EPHB2: variants seen among roughly 807,000 people sequenced by gnomAD.
EPHB2 encodes ephrin type-B receptor 2.
Under a neutral mutation model 96.4 loss-of-function variants are expected in EPHB2, and 18 were observed. That is an observed-to-expected ratio of 0.19 (90% confidence interval 0.13 to 0.28). The LOEUF (loss-of-function observed/expected upper bound fraction) is 0.28, where lower values mean the gene tolerates loss of function less well. EPHB2 is among the 10% of genes least tolerant of loss of function. The pLI, the probability that EPHB2 is intolerant of heterozygous loss-of-function variation, is 1.00. For missense variants in EPHB2, 989 were observed against 1,355.4 expected (o/e 0.73, Z 4.25); for synonymous variants, 506 against 534.1 (o/e 0.95, Z 0.72).
chr1:22,788,304 C>T (rs1001088522), intron 3 of EPHB2, among the ~76,000 whole-genome samples: 2 of 152,202 alleles, frequency 1.3e-5, no homozygotes, highest in African/African-American at 2.4e-5. Flanking sequence ...GGCTCCCTTC[C>T]ACTCTCATCT....
Position 22,875,510 on chromosome 1 carries a change from C to T in EPHB2, c.1304-6849C>T, listed in dbSNP as rs1188462536. 6.6e-6 allele frequency among the ~76,000 whole-genome samples: 1 copy of T among 152,102 alleles called. No homozygotes were observed. The highest frequency in any genetic ancestry group is 6.5e-5 in the Admixed American group (1 of 15,274). On this transcript the variant is annotated intron_variant, in intron 5 of 15. Coordinates refer to ENST00000374630, the MANE Select transcript of EPHB2 (RefSeq NM_017449.5). This position sits in a 1 kb window ranked among gnomAD's most constrained non-coding sequence, Gnocchi z 4.2. ...CTGCTTGGGAAGTACTGCCTGGGGC[C>T]TTTGTTTTAGTGGCCAGCCCACAAG...
chr1:22,883,225 A>G (rs1397685533), intron 6 of EPHB2, among the ~76,000 whole-genome samples: 1 of 152,202 alleles, frequency 6.6e-6, no homozygotes, highest in Non-Finnish European at 1.5e-5. Flanking sequence ...CAGCACCCAG[A>G]ATGGGACCTG....
intron 3 of EPHB2, among the ~76,000 whole-genome samples, chr1:22,844,656 T>C (rs1477183245): frequency 2.0e-5 from 3 of 152,120 alleles, no homozygotes; most frequent in African/African-American, 7.2e-5. Context: ...AGCTAGGAAG[T>C]GGTGATGCCG....
intron 5 of EPHB2, among the ~76,000 whole-genome samples, chr1:22,878,652 G>A (rs988132823): frequency 1.8e-4 from 27 of 152,234 alleles, no homozygotes; most frequent in African/African-American, 5.8e-4. Context: ...TACTTGATAG[G>A]TGTGAAAACT....
intron 3 of EPHB2, among the ~76,000 whole-genome samples, chr1:22,819,984 G>T (rs1645131137): frequency 6.6e-6 from 1 of 151,934 alleles, no homozygotes; most frequent in Non-Finnish European, 1.5e-5. Flanking sequence ...CTGAAGACAG[G>T]CACTTCCTGA....
intron 9 of EPHB2, among the ~76,000 whole-genome samples, chr1:22,898,954 G>A (rs1411232924): frequency 6.6e-6 from 1 of 151,944 alleles, no homozygotes; most frequent in Admixed American, 6.5e-5. Flanking sequence ...GCTCACGCCT[G>A]TAATCCCAAC....
rs994166420 is a variant in EPHB2 at position 22,918,382 on chromosome 1, A to G, written c.*4812A>G. 6.6e-6 allele frequency: 1 copy of G among 151,850 alleles called. No homozygotes were observed. Among genetic ancestry groups the G allele is most frequent in the African/African-American group, 2.4e-5 (1 of 41,410 alleles). The allele number at this position is 151,850 out of a possible 1,614,324, so 9.4% of individuals were successfully genotyped here. On this transcript the variant is annotated 3_prime_UTR_variant, in exon 16 of 16. Coordinates refer to ENST00000374630, the MANE Select transcript of EPHB2 (RefSeq NM_017449.5). The surrounding 1 kb of genome is among the most constrained non-coding windows in gnomAD (Gnocchi z 4.2). Reference sequence around the variant, plus strand: ...GGTGGGGTGGGGAGAAAGCTGCCAGACACCAAAGGAGCTGAGCCTGGCGGG... The same window carrying G: ...GGTGGGGTGGGGAGAAAGCTGCCAGGCACCAAAGGAGCTGAGCCTGGCGGG...
At chr1:22,884,867 A>G (rs1639172556) in intron 6 of EPHB2, among the ~76,000 whole-genome samples, 1 of 152,074 alleles carries the variant, frequency 6.6e-6, no homozygotes, top group Admixed American at 6.5e-5. Flanking sequence ...CATAGCATTT[A>G]TCACAATTAT....
At chr1:22,767,823 G>A (rs1644328337) in intron 1 of EPHB2, among the ~76,000 whole-genome samples, 1 of 152,206 alleles carries the variant, frequency 6.6e-6, no homozygotes, top group Non-Finnish European at 1.5e-5. Context: ...TGCCTCTCAG[G>A]GTACCAGTGG....
At chr1:22,739,908 G>A (rs1181040807) in intron 1 of EPHB2, among the ~76,000 whole-genome samples, 3 of 152,212 alleles carry the variant, frequency 2.0e-5, no homozygotes, top group Non-Finnish European at 4.4e-5. Context: ...GGGCTGCCCG[G>A]GGTTTGCGGT....
At chr1:22,774,726 G>A (rs573566217) in intron 1 of EPHB2, 1 of 561,496 alleles carries the variant, frequency 1.8e-6, no homozygotes, top group Middle Eastern at 9.0e-4. Context: ...GCTCTGAAGG[G>A]CGATCACACA....
chr1:22,859,387 A>G (rs1283224905), intron 3 of EPHB2, among the ~76,000 whole-genome samples: 2 of 151,696 alleles, frequency 1.3e-5, no homozygotes, highest in Non-Finnish European at 2.9e-5. Flanking sequence ...CCTGGGGCCC[A>G]GGGGCCCTGC....
chr1:22,735,952 T>C (rs1016080772), intron 1 of EPHB2, among the ~76,000 whole-genome samples: 1 of 152,150 alleles, frequency 6.6e-6, no homozygotes, highest in Admixed American at 6.5e-5. Flanking sequence ...GTGTGGGCTC[T>C]GAGGGACCTG....
chr1:22,749,425 A>G (rs1414543665), intron 1 of EPHB2, among the ~76,000 whole-genome samples: 1 of 151,998 alleles, frequency 6.6e-6, no homozygotes, highest in African/African-American at 2.4e-5. Context: ...AGAACTCTCT[A>G]CCCCCAACAC....
intron 5 of EPHB2, among the ~76,000 whole-genome samples, chr1:22,881,397 C>CA (rs59396251): frequency 0.15 from 22,823 of 148,118 alleles, 2,480 homozygotes; most frequent in East Asian, 0.62. Flanking sequence ...GACTCCATCT[C>CA]AAAAAAAAAA....
At chr1:22,836,408 T>C (rs1356364392) in intron 3 of EPHB2, among the ~76,000 whole-genome samples, 1 of 152,242 alleles carries the variant, frequency 6.6e-6, no homozygotes, top group African/African-American at 2.4e-5. Flanking sequence ...GCTATTGTGG[T>C]TTTGTGAGCA....
intron 3 of EPHB2, among the ~76,000 whole-genome samples, chr1:22,813,330 C>A (rs1251057188): frequency 1.3e-5 from 2 of 152,206 alleles, no homozygotes; most frequent in Non-Finnish European, 2.9e-5. Context: ...TTCTGGTGAT[C>A]TGGAGCCTGA....
At chr1:22,838,095 A>T (rs992532907) in intron 3 of EPHB2, among the ~76,000 whole-genome samples, 1 of 152,200 alleles carries the variant, frequency 6.6e-6, no homozygotes, top group South Asian at 2.1e-4. Flanking sequence ...AGGGGCAGAT[A>T]AACAGAGCCC....
chr1:22,842,771 C>T (rs1417733714), intron 3 of EPHB2, among the ~76,000 whole-genome samples: 1 of 152,124 alleles, frequency 6.6e-6, no homozygotes, highest in Non-Finnish European at 1.5e-5. Context: ...TATTCATTCC[C>T]TCTGAGGAAG....
Sources: allele counts gnomAD v4.1 joint callset (sites outside exome capture counted in the v4.1 genomes callset), GRCh38; gene constraint gnomAD v4.1.1; non-coding constraint Gnocchi (gnomAD v3.1); transcripts MANE v1.5; gene names NCBI Gene and HGNC (gene_info 2026-07-23, HGNC 2026-07-21).